CKAP5: variants seen among roughly 807,000 people sequenced by gnomAD.
CKAP5 encodes the protein cytoskeleton associated protein 5, also known as cytoskeleton-associated protein 5.
Under a neutral mutation model 232.8 loss-of-function variants are expected in CKAP5, and 27 were observed. The observed-to-expected ratio is 0.12, with a 90% confidence interval of 0.09 to 0.16. The LOEUF (loss-of-function observed/expected upper bound fraction) is 0.16, where lower values mean the gene tolerates loss of function less well. CKAP5 is among the 10% of genes least tolerant of loss of function. CKAP5 has a pLI of 1.00. For synonymous variants in CKAP5, 785 were observed against 841.1 expected (o/e 0.93, Z 1.16); for missense variants, 1,838 against 2,424.7 (o/e 0.76, Z 5.08).
chr11:46,762,742 G>T lies in CKAP5; in HGVS notation c.3912C>A (p.Val1304=). Residue 1304 remains valine (V), a synonymous_variant, in exon 31 of 44, where the codon GTC becomes GTA. Coordinates refer to ENST00000529230, the MANE Select transcript of CKAP5 (RefSeq NM_001008938.4). ...LVVKVGEPKD[V]IRKDVRAILN... ...GGATGGCACGAACATCTTTACGAAT[G>T]ACATCCTTTGGTTCTCCAACCTAGT... 1.2e-6 allele frequency: 2 copies of T among 1,613,970 alleles called. No homozygotes were observed. Among genetic ancestry groups the T allele is most frequent in the South Asian group, 1.1e-5 (1 of 91,040 alleles).
intron 13 of CKAP5, among the ~76,000 whole-genome samples, chr11:46,792,729 T>C (rs1938769387): frequency 6.6e-6 from 1 of 152,170 alleles, no homozygotes; most frequent in Non-Finnish European, 1.5e-5. Flanking sequence ...TTTAAGATAA[T>C]TCCTCATAAT....
intron 26 of CKAP5, among the ~76,000 whole-genome samples, chr11:46,768,166 C>G (rs1056544353): frequency 2.0e-5 from 3 of 152,038 alleles, no homozygotes; most frequent in African/African-American, 7.2e-5. Flanking sequence ...TTCAGAAAAT[C>G]TGTATCTCAT....
intron 26 of CKAP5, among the ~76,000 whole-genome samples, chr11:46,768,082 C>T (rs905101224): frequency 2.0e-5 from 3 of 152,128 alleles, no homozygotes; most frequent in African/African-American, 7.2e-5. Flanking sequence ...AGGCGTGAGT[C>T]ACTGTGCCTG....
In CKAP5 at chr11:46,811,160, G is replaced by A. The variant is rs751756959; in HGVS notation, c.477C>T (p.Ile159=). The part of the protein sequence containing the change: ...RKALSEFGSK[I]ILLKPIIKVL... ...CTTTGATAATTGGCTTAAGCAAGAT[G>A]ATTTTGGAACCAAATTCACTACAAG... The change falls in exon 5 of 44, where the codon ATC becomes ATT. Residue 159 remains isoleucine (I), a synonymous_variant. Coordinates refer to ENST00000529230, the MANE Select transcript of CKAP5 (RefSeq NM_001008938.4). 6.2e-7 allele frequency: 1 copy of A among 1,612,404 alleles called. No individual in the cohort carries two copies. Among genetic ancestry groups the A allele is most frequent in the East Asian group, 2.2e-5 (1 of 44,836 alleles).
intron 1 of CKAP5, among the ~76,000 whole-genome samples, chr11:46,835,202 TA>T (rs1414390175): frequency 1.3e-5 from 2 of 151,574 alleles, no homozygotes; most frequent in Non-Finnish European, 2.9e-5. Flanking sequence ...AAATATCAAC[TA>T]AAAAAATAAA....
chr11:46,752,229 C>CAT (rs2065074198), intron 38 of CKAP5, among the ~76,000 whole-genome samples: 1 of 140,312 alleles, frequency 7.1e-6, no homozygotes, highest in East Asian at 2.1e-4. Context: ...CACACACACA[C>CAT]ACACGTGTAT....
At position 46,755,037 on chromosome 11, in the gene CKAP5, C is replaced by T; in HGVS notation, c.4720G>A (p.Ala1574Thr). 1 of 1,613,136 alleles carries T rather than the reference C, an allele frequency of 6.2e-7. No homozygotes were observed. Among genetic ancestry groups the T allele is most frequent in the Non-Finnish European group, 8.5e-7 (1 of 1,179,726 alleles). The change falls in exon 36 of 44, where the codon GCT (alanine) becomes ACT (threonine). Residue 1574 changes from alanine to threonine, a missense_variant. Around this residue, in one of 6 missense-constraint regions of CKAP5, gnomAD observed 579 missense variants for 843.2 expected, o/e 0.69. Coordinates refer to ENST00000529230, the MANE Select transcript of CKAP5 (RefSeq NM_001008938.4). ...IDEVLRQEDK[A>T]EAMSGHIDQF... ...TCAATATGGCCGGACATGGCTTCAG[C>T]TTTGTCTTCCTGTCTCAGGACCTCA...
intron 3 of CKAP5, among the ~76,000 whole-genome samples, chr11:46,817,339 G>A (rs1171891461): frequency 6.6e-6 from 1 of 152,068 alleles, no homozygotes; most frequent in Non-Finnish European, 1.5e-5. Flanking sequence ...CTTCACAGAG[G>A]GAACGGATAT....
chr11:46,823,327 C>A (rs1592483635), intron 1 of CKAP5, among the ~76,000 whole-genome samples: 1 of 152,148 alleles, frequency 6.6e-6, no homozygotes, highest in East Asian at 1.9e-4. Context: ...AGAAAAAAAT[C>A]TAAGTATTAA....
chr11:46,819,919 A>G (rs928536248), intron 2 of CKAP5, among the ~76,000 whole-genome samples: 1 of 152,132 alleles, frequency 6.6e-6, no homozygotes, highest in Non-Finnish European at 1.5e-5. Flanking sequence ...CTCATTCTAT[A>G]AAGTAGAATG....
At chr11:46,793,767 AG>A (rs1467560257) in intron 13 of CKAP5, among the ~76,000 whole-genome samples, 2 of 152,052 alleles carry the variant, frequency 1.3e-5, no homozygotes, top group Non-Finnish European at 2.9e-5. Context: ...TACTAAAAAT[AG>A]AAAAAATTAG....
intron 40 of CKAP5, 129 bp from the exon 41 acceptor site, chr11:46,750,740 G>T: frequency 1.4e-6 from 1 of 693,886 alleles, no homozygotes; most frequent in Non-Finnish European, 2.4e-6. Context: ...GATAACAGAT[G>T]CACCGATGAT....
chr11:46,841,870 C>T (rs1447636928), intron 1 of CKAP5, among the ~76,000 whole-genome samples: 4 of 151,838 alleles, frequency 2.6e-5, no homozygotes, highest in Admixed American at 6.6e-5. Flanking sequence ...CTGTGGCTCA[C>T]GCCTGTAATC....
At chr11:46,745,332 C>T (rs1007868859) in intron 42 of CKAP5, among the ~76,000 whole-genome samples, 36 of 152,080 alleles carry the variant, frequency 2.4e-4, no homozygotes, top group African/African-American at 8.2e-4. Flanking sequence ...AAAAGGACTC[C>T]TTTAATGTAA....
At chr11:46,790,040 A>G (rs1159120098) in intron 15 of CKAP5, 36 bp downstream of exon 15, 1 of 1,379,206 alleles carries the variant, frequency 7.3e-7, no homozygotes, top group Non-Finnish European at 1.0e-6. Context: ...ATATAATCTA[A>G]TTTTCTTTCA....
intron 23 of CKAP5, among the ~76,000 whole-genome samples, 181 bp downstream of exon 23, chr11:46,777,258 G>T (rs148211995): frequency 6.6e-6 from 1 of 152,264 alleles, no homozygotes; most frequent in African/African-American, 2.4e-5. Flanking sequence ...ACTAATAAGT[G>T]ATACCTGGTC....
chr11:46,790,261 G>A, intron 14 of CKAP5, 75 bp from the exon 15 acceptor site: 1 of 1,014,316 alleles, frequency 9.9e-7, no homozygotes. Flanking sequence ...ACATACTCCA[G>A]CCAAAACTAA....
intron 1 of CKAP5, among the ~76,000 whole-genome samples, chr11:46,838,770 G>A (rs767347647): frequency 4.1e-5 from 5 of 123,152 alleles, no homozygotes; most frequent in Non-Finnish European, 7.9e-5. Context: ...CTCCAGCCTA[G>A]GAGACAGAGT....
chr11:46,753,536 A>G (rs1207694128), intron 36 of CKAP5, 39 bp from the exon 37 acceptor site: 1 of 1,439,054 alleles, frequency 6.9e-7, no homozygotes, highest in South Asian at 1.2e-5. Context: ...TGTAAAACTC[A>G]ATATAGAGAG....
Sources: allele counts gnomAD v4.1 joint callset (sites outside exome capture counted in the v4.1 genomes callset), GRCh38; gene constraint gnomAD v4.1.1; regional missense constraint gnomAD v4.1.1; transcripts MANE v1.5; gene names NCBI Gene and HGNC (gene_info 2026-07-23, HGNC 2026-07-21).